CATSPER4: variants seen among roughly 807,000 people sequenced by gnomAD.
CATSPER4 encodes cation channel sperm-associated protein 4.
Under a neutral mutation model 54.4 loss-of-function variants are expected in CATSPER4, and 46 were observed. The observed-to-expected ratio is 0.84, with a 90% CI of 0.67 to 1.08. The LOEUF (loss-of-function observed/expected upper bound fraction) is 1.08, where lower values mean the gene tolerates loss of function less well. CATSPER4 is among the 50% of genes least tolerant of loss of function. CATSPER4 has a pLI of 0.00. For missense variants in CATSPER4, 574 were observed against 612.8 expected (o/e 0.94, Z 0.67); for synonymous variants, 230 against 231.9 (o/e 0.99, Z 0.08).
At position 26,202,384 on chromosome 1, in the gene CATSPER4, T is replaced by C; in HGVS notation, c.1366-105T>C. The stretch of plus-strand genomic sequence containing the variant: ...AAGTTAGACCTATGAAGCACTTCTC[T>C]GGGAGGCCTGGCTGGGGAAGCTGGT... On this transcript the variant is annotated intron_variant, in intron 9 of 9. Transcript: ENST00000456354. 7.9e-6 allele frequency: 8 copies of C among 1,006,446 alleles called. No individual in the cohort carries two copies. The South Asian group carries it at 1.1e-4, about 14-fold the overall frequency. The allele number at this position is 1,006,446 out of a possible 1,614,324, so 62.3% of individuals were successfully genotyped here.
intron 3 of CATSPER4, among the ~76,000 whole-genome samples, chr1:26,197,233 G>C (rs1345112991): frequency 6.6e-6 from 1 of 152,146 alleles, no homozygotes; most frequent in African/African-American, 2.4e-5. Context: ...TGTGCCGTGA[G>C]AGCTATTTCA....
At position 26,190,848 on chromosome 1, in the gene CATSPER4, T is replaced by C. The variant is rs1484418262; in HGVS notation, c.213+8T>C. The C allele has an allele frequency of 1.9e-6, 3 of 1,597,502 alleles. No homozygotes were observed. Among genetic ancestry groups the C allele is most frequent in the African/African-American group, 1.3e-5 (1 of 74,784 alleles). On this transcript the variant is annotated splice_region_variant and intron_variant, in intron 1 of 9. Transcript: ENST00000456354. ...GAAATCACGAACAAAGCGGTAAGGATAGCTCTCGCCCCACAGTGGCCCCTT... is the reference window on the plus strand; with the variant it reads ...GAAATCACGAACAAAGCGGTAAGGACAGCTCTCGCCCCACAGTGGCCCCTT...
At chr1:26,193,211 C>G (rs2088892055) in intron 2 of CATSPER4, among the ~76,000 whole-genome samples, 1 of 152,082 alleles carries the variant, frequency 6.6e-6, no homozygotes, top group Non-Finnish European at 1.5e-5. Flanking sequence ...GGGCTCTGGA[C>G]AGACCCCAGT....
intron 9 of CATSPER4, 141 bp from the exon 10 acceptor site, chr1:26,202,348 T>G: frequency 1.3e-6 from 1 of 749,646 alleles, no homozygotes; most frequent in Non-Finnish European, 2.4e-6. Flanking sequence ...GAGGGGGTAC[T>G]AGGTAGGCTC....
chr1:26,191,246 A>T, intron 1 of CATSPER4, 41 bp from the exon 2 acceptor site: 1 of 1,612,368 alleles, frequency 6.2e-7, no homozygotes, highest in Non-Finnish European at 8.5e-7. Context: ...GAGGCTTCCT[A>T]TGGTGACACC....
At chr1:26,190,967 T>C in intron 1 of CATSPER4, 127 bp downstream of exon 1, 1 of 865,690 alleles carries the variant, frequency 1.2e-6, no homozygotes. Context: ...CACTGATCCC[T>C]GAGTGACTGC....
At chr1:26,195,010 G>C (rs140337083) in intron 3 of CATSPER4, among the ~76,000 whole-genome samples, 2,042 of 152,292 alleles carry the variant, frequency 0.013, 37 homozygotes, top group African/African-American at 0.045. Flanking sequence ...CTTGAACCCG[G>C]GAGGCGGAGT....
At chr1:26,201,144 C>A in intron 8 of CATSPER4, 103 bp downstream of exon 8, 1 of 1,098,988 alleles carries the variant, frequency 9.1e-7, no homozygotes, top group Non-Finnish European at 1.4e-6. Flanking sequence ...AAGGCAGAGC[C>A]TGGGCCCCAC....
intron 5 of CATSPER4, 27 bp downstream of exon 5, chr1:26,198,104 G>A (rs2088964761): frequency 1.2e-6 from 2 of 1,614,196 alleles, no homozygotes; most frequent in Non-Finnish European, 1.7e-6. Flanking sequence ...GCCCCCAGCT[G>A]TTTCCCTTCC....
At chr1:26,196,836 C>T (rs1428462478) in intron 3 of CATSPER4, among the ~76,000 whole-genome samples, 1 of 152,072 alleles carries the variant, frequency 6.6e-6, no homozygotes, top group Non-Finnish European at 1.5e-5. Context: ...TTCTCCTCCC[C>T]ATCTCATTCC....
rs1269843369 is a variant in CATSPER4, at chr1:26,200,915, A to G, written c.1073A>G (p.Gln358Arg). Residue 358 changes from glutamine (Q) to arginine (R), a missense_variant, in exon 8 of 10, where the codon CAG becomes CGG. Physicochemically the swap from Gln to Arg is conservative, Grantham distance 43. Transcript: ENST00000456354. ...CGCTCGGAGAAATCTGGTCTCCTCC[A>G]GGAACCCCTTGCGGGAGGCCCCCTG... ...VARSEKSGLLQEPLAGGPLSN... is the reference protein window; with the variant it reads ...VARSEKSGLLREPLAGGPLSN... 6.2e-7 allele frequency: 1 copy of G among 1,614,144 alleles called. No homozygotes were observed. The highest frequency in any genetic ancestry group is 2.2e-5 in the East Asian group (1 of 44,872).
chr1:26,198,695 A>G (rs1228062381), intron 6 of CATSPER4, among the ~76,000 whole-genome samples: 2 of 152,190 alleles, frequency 1.3e-5, no homozygotes, highest in African/African-American at 4.8e-5. Flanking sequence ...GGCCTTGGAT[A>G]AGGCAGCAGG....
In CATSPER4 at chr1:26,197,533, G is replaced by A. The variant is rs796495270; in HGVS notation, c.460-153G>A. ...CACGTGTGTTTTGTGGCTTGTTTGG[G>A]GGGCGGCAGGGTAACAGCAGTGGAT... On this transcript the variant is annotated intron_variant, in intron 3 of 9. Transcript: ENST00000456354. 5.3e-5 allele frequency among the ~76,000 whole-genome samples: 8 copies of A among 152,246 alleles called. No homozygotes were observed. In the South Asian group the frequency reaches 1.7e-3, roughly 32 times the overall value.
At position 26,197,792 on chromosome 1, in the gene CATSPER4, G is replaced by T; in HGVS notation, c.557+9G>T. On this transcript the variant is annotated intron_variant, in intron 4 of 9. Coordinates refer to ENST00000456354, the MANE Select transcript of CATSPER4 (RefSeq NM_198137.2). ...ATCAACTACACTCTCAGGTGAGCGG[G>T]GAGCTCTGGAGAAATGAGGGGGACC... 6.2e-7 allele frequency: 1 copy of T among 1,610,950 alleles called. No homozygotes were observed. Among genetic ancestry groups the T allele is most frequent in the Non-Finnish European group, 8.5e-7 (1 of 1,177,154 alleles).
At position 26,200,861 on chromosome 1, in the gene CATSPER4, A is replaced by C. The variant is rs1569911541; in HGVS notation, c.1019A>C (p.Gln340Pro). Reference protein sequence around the residue: ...TGAEEEEENDQLPLVHCVVAR... With the variant: ...TGAEEEEENDPLPLVHCVVAR... ...GCAGAGGAAGAGGAGGAGAATGACC[A>C]GCTGCCACTGGTGCATTGTGTGGTC... The change falls in exon 8 of 10, where the codon CAG (glutamine) becomes CCG (proline). Residue 340 changes from glutamine (Q) to proline (P), a missense_variant. By Grantham distance (76) the Gln-to-Pro change is moderately conservative. Coordinates refer to ENST00000456354, the MANE Select transcript of CATSPER4 (RefSeq NM_198137.2). 1.9e-6 allele frequency: 3 copies of C among 1,614,146 alleles called. No individual in the cohort carries two copies. Among genetic ancestry groups the C allele is most frequent in the Non-Finnish European group, 2.5e-6 (3 of 1,179,994 alleles).
chr1:26,198,539 G>T, intron 6 of CATSPER4, 120 bp downstream of exon 6: 1 of 1,297,130 alleles, frequency 7.7e-7, no homozygotes, highest in Non-Finnish European at 1.1e-6. Context: ...AGAAGTGGGG[G>T]TTCCCAGGTC....
At chr1:26,198,740 C>CCAGCCCACCTTG (rs1553155440) in intron 6 of CATSPER4, among the ~76,000 whole-genome samples, 8 of 152,164 alleles carry the variant, frequency 5.3e-5, no homozygotes, top group Admixed American at 5.2e-4. Flanking sequence ...GAGCAACCTC[C>CCAGCCCACCTTG]CAGCCCACCT....
chr1:26,200,173 T>C (rs1354945546), intron 7 of CATSPER4, 115 bp downstream of exon 7: 2 of 1,261,916 alleles, frequency 1.6e-6, no homozygotes, highest in Non-Finnish European at 2.2e-6. Flanking sequence ...GAAAGCCAAG[T>C]TGGAGGCCTG....
chr1:26,197,907 G>T, intron 4 of CATSPER4, 50 bp from the exon 5 acceptor site: 2 of 1,611,296 alleles, frequency 1.2e-6, no homozygotes, highest in East Asian at 4.5e-5. Flanking sequence ...TAATGAGGAG[G>T]GAAGGGGCTG....
Sources: allele counts gnomAD v4.1 joint callset (sites outside exome capture counted in the v4.1 genomes callset), GRCh38; gene constraint gnomAD v4.1.1; transcripts MANE v1.5; gene names NCBI Gene and HGNC (gene_info 2026-07-23, HGNC 2026-07-21).